FAM120A: variants seen among roughly 807,000 people sequenced by gnomAD.
The protein encoded by FAM120A is family with sequence similarity 120 member A, also known as constitutive coactivator of PPAR-gamma-like protein 1.
In FAM120A, 15 loss-of-function variants were observed where a neutral mutation model predicts 109.7. The observed-to-expected ratio is 0.14, with a 90% CI of 0.09 to 0.21. FAM120A has a LOEUF of 0.21. Among genes scored for constraint, FAM120A ranks in the 10% least tolerant of loss-of-function variants. The pLI is 1.00. For synonymous variants in FAM120A, 493 were observed against 572.8 expected (o/e 0.86, Z 1.99); for missense variants, 899 against 1,439.3 (o/e 0.62, Z 6.07).
intron 3 of FAM120A, among the ~76,000 whole-genome samples, chr9:93,490,752 T>C (rs1859277435): frequency 6.6e-6 from 1 of 152,270 alleles, no homozygotes; most frequent in South Asian, 2.1e-4. Context: ...GATTGTTTTC[T>C]TTGGATTTCA....
At chr9:93,512,706 C>A (rs939730738) in intron 5 of FAM120A, among the ~76,000 whole-genome samples, 6 of 152,164 alleles carry the variant, frequency 3.9e-5, no homozygotes, top group Non-Finnish European at 7.3e-5. Context: ...GCATGGAGAA[C>A]AAGAACCGAT....
rs146560914 is a variant in FAM120A, at chr9:93,476,572, A to C, written c.804+234A>C. Among the ~76,000 whole-genome samples, 7 of 152,278 alleles carry C rather than the reference A, an allele frequency of 4.6e-5. No individual in the cohort carries two copies. The East Asian group carries it at 1.2e-3, about 25-fold the overall frequency. On this transcript the variant is annotated intron_variant, in intron 3 of 17. Transcript: ENST00000277165. ...TAAATGTCCTTGAAAATTTCCCTTAAGGAATTCTTTGTGCTGTGTACCTAG... is the reference window on the plus strand; with the variant it reads ...TAAATGTCCTTGAAAATTTCCCTTACGGAATTCTTTGTGCTGTGTACCTAG...
chr9:93,510,578 T>C (rs1220760983), intron 5 of FAM120A, among the ~76,000 whole-genome samples: 2 of 152,248 alleles, frequency 1.3e-5, no homozygotes, highest in Admixed American at 1.3e-4. Context: ...TATTTCATCA[T>C]AGACTTATAA....
chr9:93,561,797 C>T lies in FAM120A; in HGVS notation c.2949-411C>T, dbSNP rs572648053. 3.9e-5 allele frequency among the ~76,000 whole-genome samples: 6 copies of T among 152,238 alleles called. No individual in the cohort carries two copies. The East Asian group carries it at 1.2e-3, about 29-fold the overall frequency. The stretch of plus-strand genomic sequence containing the variant: ...AACAATTATTAAATAATTAACCATA[C>T]AATTTTCAATTAACCAGGTGCCTTA... On this transcript the variant is annotated intron_variant, in intron 16 of 17. Transcript: ENST00000277165.
At chr9:93,495,263 T>G (rs1399781142) in intron 3 of FAM120A, among the ~76,000 whole-genome samples, 2 of 152,236 alleles carry the variant, frequency 1.3e-5, no homozygotes, top group African/African-American at 4.8e-5. Context: ...AATACAGTAC[T>G]ATACATAAAA....
intron 1 of FAM120A, among the ~76,000 whole-genome samples, chr9:93,465,151 T>C (rs1455640012): frequency 5.3e-5 from 8 of 152,228 alleles, no homozygotes; most frequent in Admixed American, 2.0e-4. Flanking sequence ...TTATTCTTAA[T>C]TAAATAACTG....
intron 10 of FAM120A, among the ~76,000 whole-genome samples, chr9:93,538,384 A>C (rs1861591508): frequency 6.6e-6 from 1 of 151,980 alleles, no homozygotes; most frequent in Non-Finnish European, 1.5e-5. Context: ...TATCAGAAGG[A>C]AAAAAAACAG....
rs757174253 is a variant in FAM120A, at chr9:93,529,405, G to A, written c.1559G>A (p.Gly520Glu). ...SSGSQLAEGK[G>E]SQMGTVQPIP... ...GGAAGCCAACTAGCCGAAGGCAAGG[G>A]AAGCCAGATGGGCACTGTCCAGCCA... Residue 520 changes from glycine (G) to glutamate (E), a missense_variant, in exon 9 of 18, where the codon GGA (glycine) becomes GAA (glutamate). Transcript: ENST00000277165. 4 of 1,613,720 alleles carry A rather than the reference G, an allele frequency of 2.5e-6. No homozygotes were observed. In the South Asian group the frequency reaches 4.4e-5, roughly 18 times the overall value.
intron 3 of FAM120A, among the ~76,000 whole-genome samples, chr9:93,497,069 G>T (rs1859607452): frequency 6.6e-6 from 1 of 152,160 alleles, no homozygotes; most frequent in African/African-American, 2.4e-5. Flanking sequence ...ATCTTTGTTG[G>T]TTGGTGTTGA....
chr9:93,562,865 A>G (rs1158413588), intron 17 of FAM120A, among the ~76,000 whole-genome samples: 1 of 151,812 alleles, frequency 6.6e-6, no homozygotes, highest in Non-Finnish European at 1.5e-5. Flanking sequence ...CAGTTTCACC[A>G]TGTTGGCCAG....
intron 16 of FAM120A, 61 bp downstream of exon 16, chr9:93,561,311 T>G: frequency 6.8e-7 from 1 of 1,477,626 alleles, no homozygotes; most frequent in Non-Finnish European, 9.0e-7. Context: ...TCTAACTTGC[T>G]TTTTTTTGGA....
intron 3 of FAM120A, among the ~76,000 whole-genome samples, chr9:93,496,825 T>TA (rs1564327274): frequency 1.3e-5 from 2 of 152,354 alleles, no homozygotes; most frequent in East Asian, 3.9e-4. Flanking sequence ...CCTGTTAACT[T>TA]ACGTTTTTCT....
At chr9:93,509,546 T>A (rs1259910843) in intron 5 of FAM120A, among the ~76,000 whole-genome samples, 4 of 152,250 alleles carry the variant, frequency 2.6e-5, no homozygotes, top group Non-Finnish European at 4.4e-5. Flanking sequence ...TTTAAAAAAA[T>A]TTTATTTTCA....
At chr9:93,507,776 C>T (rs1860133193) in intron 5 of FAM120A, among the ~76,000 whole-genome samples, 1 of 152,166 alleles carries the variant, frequency 6.6e-6, no homozygotes, top group Non-Finnish European at 1.5e-5. Flanking sequence ...TTGGAGCTCC[C>T]AAACCTTGTG....
At position 93,467,255 on chromosome 9, in the gene FAM120A, C is replaced by A. The variant is rs370648817; in HGVS notation, c.475-3886C>A. On this transcript the variant is annotated intron_variant, in intron 1 of 17. Transcript: ENST00000277165. ...TGCCAGATCTGCTGTCACCCCCCCCCCCCTTTTCCCCCATTGAATAACTGT... is the reference window on the plus strand; with the variant it reads ...TGCCAGATCTGCTGTCACCCCCCCCACCCTTTTCCCCCATTGAATAACTGT... Among the ~76,000 whole-genome samples, 11 of 113,212 alleles carry A rather than the reference C, an allele frequency of 9.7e-5. No individual in the cohort carries two copies. The South Asian group carries it at 2.8e-3, about 29-fold the overall frequency. 74.3% of individuals were successfully genotyped at this position (113,212 alleles called of 152,430 possible). A position where few individuals can be genotyped will look rare whatever the true frequency, so the allele number is the denominator to read the frequency against.
intron 3 of FAM120A, among the ~76,000 whole-genome samples, chr9:93,484,788 G>A (rs1266017673): frequency 6.6e-6 from 1 of 152,140 alleles, no homozygotes; most frequent in African/African-American, 2.4e-5. Flanking sequence ...TGGCCAGGCT[G>A]GTCTCGAGCT....
chr9:93,490,131 A>C (rs1271358018), intron 3 of FAM120A, among the ~76,000 whole-genome samples: 1 of 152,212 alleles, frequency 6.6e-6, no homozygotes, highest in African/African-American at 2.4e-5. Context: ...TATTGACCAA[A>C]TCGAGCTTCC....
intron 1 of FAM120A, among the ~76,000 whole-genome samples, chr9:93,463,418 T>C (rs1029112147): frequency 6.6e-6 from 1 of 152,250 alleles, no homozygotes; most frequent in African/African-American, 2.4e-5. Context: ...TCAGCTTACC[T>C]GAAGAGAGAG....
chr9:93,543,574 G>GA, intron 11 of FAM120A, 103 bp downstream of exon 11: 1 of 1,395,538 alleles, frequency 7.2e-7, no homozygotes, highest in Non-Finnish European at 9.6e-7. Flanking sequence ...GTTTATTCCT[G>GA]ATCAATCATG....
Sources: allele counts gnomAD v4.1 joint callset (sites outside exome capture counted in the v4.1 genomes callset), GRCh38; gene constraint gnomAD v4.1.1; transcripts MANE v1.5; gene names NCBI Gene and HGNC (gene_info 2026-07-23, HGNC 2026-07-21).